The following SNX24 variants were observed in gnomAD, a reference collection of about 807,000 sequenced individuals.
SNX24 encodes the protein sorting nexin-24.
SNX24 carries 22 observed loss-of-function variants against 28.7 expected under a neutral mutation model. The observed-to-expected ratio is 0.77, with a 90% CI of 0.55 to 1.10. SNX24 has a LOEUF of 1.10. Among genes scored for constraint, SNX24 ranks in the 50% least tolerant of loss-of-function variants. The probability of loss-of-function intolerance (pLI) is 0.00; values close to 1 mark genes in which losing one functional copy is unlikely to be tolerated. For synonymous variants in SNX24, 69 were observed against 71.5 expected (o/e 0.96, Z 0.18); for missense variants, 221 against 201.1 (o/e 1.10, Z -0.60).
intron 1 of SNX24, among the ~76,000 whole-genome samples, chr5:122,876,564 G>T (rs1201686954): frequency 1.3e-5 from 2 of 152,232 alleles, no homozygotes; most frequent in African/African-American, 4.8e-5. Flanking sequence ...ATATAACCCA[G>T]TAAGTGAAGT....
chr5:122,940,871 C>T (rs548825745), intron 2 of SNX24, among the ~76,000 whole-genome samples: 2 of 152,302 alleles, frequency 1.3e-5, no homozygotes, highest in Admixed American at 6.5e-5. Context: ...CTACATCCAG[C>T]CTTAAAATTT....
At chr5:122,900,746 G>T (rs1322959429) in intron 1 of SNX24, among the ~76,000 whole-genome samples, 2 of 152,100 alleles carry the variant, frequency 1.3e-5, no homozygotes, top group Admixed American at 1.3e-4. Context: ...TCCAGCCTGG[G>T]TGACAGAGTG....
intron 1 of SNX24, among the ~76,000 whole-genome samples, chr5:122,936,058 A>G (rs1759165903): frequency 6.6e-6 from 1 of 152,188 alleles, no homozygotes; most frequent in Admixed American, 6.5e-5. Flanking sequence ...CACTGACCCA[A>G]GAATCAAGAA....
At chr5:122,978,004 T>G (rs1366031963) in intron 3 of SNX24, among the ~76,000 whole-genome samples, 1 of 152,216 alleles carries the variant, frequency 6.6e-6, no homozygotes, top group Non-Finnish European at 1.5e-5. Flanking sequence ...GATAAGAATT[T>G]GGTGGAATGT....
intron 3 of SNX24, among the ~76,000 whole-genome samples, chr5:122,985,905 C>T (rs749138840): frequency 5.3e-5 from 8 of 152,200 alleles, no homozygotes; most frequent in Non-Finnish European, 1.0e-4. Context: ...CGGACTCAGC[C>T]CTGCCCTCTT....
intron 1 of SNX24, among the ~76,000 whole-genome samples, chr5:122,927,609 G>C (rs2150108915): frequency 6.6e-6 from 1 of 152,206 alleles, no homozygotes; most frequent in Admixed American, 6.5e-5. Flanking sequence ...CTGAAAGACA[G>C]GTATAGGAGT....
At position 122,946,058 on chromosome 5, in the gene SNX24, A is replaced by C; in HGVS notation, c.148A>C (p.Lys50Gln). ...TTTTCCTATTCTGTCTTTATAGCTT[A>C]AGAAATGTATAAAAACTCCAGAAAT... is the stretch of plus-strand genomic sequence containing the variant. ...SEFHALHKKL[K>Q]KCIKTPEIPS... is the part of the protein sequence containing the mutation. The change falls in exon 3 of 7, where the codon AAG (lysine) becomes CAG (glutamine). Residue 50 changes from lysine (K) to glutamine (Q), a missense_variant. Coordinates refer to ENST00000261369, the MANE Select transcript of SNX24 (RefSeq NM_014035.4). The C allele has an allele frequency of 6.5e-7, 1 of 1,534,590 alleles. No homozygotes were observed.
chr5:122,875,946 C>A (rs973620304), intron 1 of SNX24, among the ~76,000 whole-genome samples: 1 of 152,180 alleles, frequency 6.6e-6, no homozygotes, highest in Admixed American at 6.5e-5. Context: ...TGGTGGCGGG[C>A]GCCTATAATT....
chr5:122,873,797 C>T lies in SNX24; in HGVS notation c.60+28104C>T, dbSNP rs59356883. Among the ~76,000 whole-genome samples, 458 of 134,994 alleles carry T rather than the reference C, an allele frequency of 3.4e-3. 3 individuals carry two copies. The highest frequency in any genetic ancestry group is 0.011 in the African/African-American group (414 of 36,182). 88.6% of individuals were successfully genotyped at this position (134,994 alleles called of 152,430 possible). ...TTTTTTTTTTTGAGATGGAGTTTCA[C>T]TCTTGTCACCCAGGCTGGAGTGCAA... On this transcript the variant is annotated intron_variant, in intron 1 of 6. Coordinates refer to ENST00000261369, the MANE Select transcript of SNX24 (RefSeq NM_014035.4).
chr5:122,968,836 T>G (rs1202265569), intron 3 of SNX24, among the ~76,000 whole-genome samples: 2 of 151,008 alleles, frequency 1.3e-5, no homozygotes, highest in Non-Finnish European at 3.0e-5. Flanking sequence ...ATTTGTTTAT[T>G]ACTTCATCTT....
At chr5:122,849,615 C>T (rs1754805044) in intron 1 of SNX24, among the ~76,000 whole-genome samples, 1 of 151,874 alleles carries the variant, frequency 6.6e-6, no homozygotes, top group Non-Finnish European at 1.5e-5. Flanking sequence ...GGGAGGGGCA[C>T]CTCTAAATAA....
chr5:123,006,871 AT>A lies in SNX24; in HGVS notation c.443-803del, dbSNP rs1043372450. Among the ~76,000 whole-genome samples the A allele has an allele frequency of 1.6e-4, 25 of 152,108 alleles. No homozygotes were observed. The East Asian group carries it at 2.1e-3, about 13-fold the overall frequency. ...AGTAGACAATAGAGGCTAGATGCAT[AT>A]TTTTTTTCTTAAAATATTGGACTAC... On this transcript the variant is annotated intron_variant, in intron 6 of 6. Transcript: ENST00000261369.
intron 1 of SNX24, among the ~76,000 whole-genome samples, chr5:122,920,675 A>G (rs1758393992): frequency 6.6e-6 from 1 of 152,222 alleles, no homozygotes; most frequent in Non-Finnish European, 1.5e-5. Flanking sequence ...GCACAGCCAT[A>G]GAGCTGAAAA....
At position 122,902,149 on chromosome 5, in the gene SNX24, T is replaced by C. The variant is rs556392075; in HGVS notation, c.61-34585T>C. Reference sequence around the variant, plus strand: ...TTCACCCATCTTCCCTGTGTACTCATGGTGGCAGTGCCACTCACTCTTCTC... The same window carrying C: ...TTCACCCATCTTCCCTGTGTACTCACGGTGGCAGTGCCACTCACTCTTCTC... On this transcript the variant is annotated intron_variant, in intron 1 of 6. Transcript: ENST00000261369. 5.3e-5 allele frequency among the ~76,000 whole-genome samples: 8 copies of C among 152,344 alleles called. No individual in the cohort carries two copies. The South Asian group carries it at 1.7e-3, about 32-fold the overall frequency.
At chr5:122,896,259 T>A (rs1247307669) in intron 1 of SNX24, among the ~76,000 whole-genome samples, 1 of 152,232 alleles carries the variant, frequency 6.6e-6, no homozygotes, top group Admixed American at 6.5e-5. Context: ...TCCCCATTCC[T>A]ATGGCAGACA....
chr5:122,969,593 T>TA (rs1302591694), intron 3 of SNX24, among the ~76,000 whole-genome samples: 1 of 152,212 alleles, frequency 6.6e-6, no homozygotes, highest in Non-Finnish European at 1.5e-5. Context: ...ATGTAACTGA[T>TA]ACACAAATAA....
At chr5:122,978,773 C>T (rs1761272630) in intron 3 of SNX24, among the ~76,000 whole-genome samples, 1 of 152,070 alleles carries the variant, frequency 6.6e-6, no homozygotes, top group African/African-American at 2.4e-5. Context: ...ACTGAGTTCA[C>T]CTGAAACATG....
At position 123,008,957 on chromosome 5, in the gene SNX24, G is replaced by A; in HGVS notation, c.*1208G>A. ...TTATTCGTTTTAGTAAGTTCTGTGG[G>A]AGCAAGGTATTTAAAATCAAAACTA... On this transcript the variant is annotated 3_prime_UTR_variant, in exon 7 of 7. Transcript: ENST00000261369. 1.0e-6 allele frequency: 1 copy of A among 985,640 alleles called. No homozygotes were observed. The highest frequency in any genetic ancestry group is 1.2e-6 in the Non-Finnish European group (1 of 829,768). 61.1% of individuals were successfully genotyped at this position (985,640 alleles called of 1,614,324 possible). A position where few individuals can be genotyped will look rare whatever the true frequency, so the allele number is the denominator to read the frequency against.
intron 1 of SNX24, among the ~76,000 whole-genome samples, chr5:122,855,093 G>T (rs548078217): frequency 6.6e-6 from 1 of 150,872 alleles, no homozygotes; most frequent in African/African-American, 2.4e-5. Flanking sequence ...TTTTTTTGAG[G>T]CAGAGTCTCG....
Sources: gnomAD v4.1 joint callset for allele counts (sites outside exome capture counted in the v4.1 genomes callset) on GRCh38, gnomAD v4.1.1 for gene constraint, MANE v1.5 for transcripts, NCBI Gene and HGNC (gene_info 2026-07-23, HGNC 2026-07-21) for gene names.